TAF7L: variants seen among roughly 807,000 people sequenced by gnomAD.
TAF7L encodes TATA-box binding protein associated factor 7 like, also known as transcription initiation factor TFIID subunit 7-like.
Under a neutral mutation model 30.2 loss-of-function variants are expected in TAF7L, and 6 were observed. The observed-to-expected ratio is 0.20, with a 90% CI of 0.11 to 0.39. The LOEUF (loss-of-function observed/expected upper bound fraction) is 0.39. Ranked by LOEUF, TAF7L falls within the 10% of genes least tolerant of loss-of-function variation. TAF7L has a pLI of 1.00. For missense variants in TAF7L, 284 were observed against 277.1 expected, an observed-to-expected ratio of 1.03 and a Z score of -0.18; for synonymous variants, 93 against 94.5, an observed-to-expected ratio of 0.98 and a Z score of 0.09.
chrX:101,276,593 T>G, intron 9 of TAF7L, 65 bp from the exon 10 acceptor site: 3 of 1,097,893 alleles, frequency 2.7e-6, no homozygotes, highest in Non-Finnish European at 3.7e-6. Flanking sequence ...ATACTCCAGA[T>G]ATAATTATAC....
At chrX:101,292,238 CAA>C (rs776702288), upstream of TAF7L, among the ~76,000 whole-genome samples, 2 of 45,301 alleles carry the variant, frequency 4.4e-5, no homozygotes, top group Admixed American at 2.6e-4. Context: ...GACTCCGTCT[CAA>C]AAAAAAAAAA....
In TAF7L at chrX:101,277,948, C is replaced by T; in HGVS notation, c.577+101G>A. 4.2e-6 allele frequency: 3 copies of T among 717,220 alleles called. No individual in the cohort carries two copies. In the South Asian group the frequency reaches 7.2e-5, roughly 17 times the overall value. 59.1% of individuals were successfully genotyped at this position (717,220 alleles called of 1,213,427 possible). A position where few individuals can be genotyped will look rare whatever the true frequency, so the allele number is the denominator to read the frequency against. On this transcript the variant is annotated intron_variant, in intron 8 of 12. Coordinates refer to ENST00000356784, the MANE Select transcript of TAF7L (RefSeq NM_001168474.2). Reference sequence around the variant, plus strand: ...GAACATTTCAAAGAATCTTAAGTTCCACACATCAAGACTGGCACACAAACA... The same window carrying T: ...GAACATTTCAAAGAATCTTAAGTTCTACACATCAAGACTGGCACACAAACA...
upstream of TAF7L, among the ~76,000 whole-genome samples, chrX:101,291,742 TG>T (rs1220060383): frequency 9.1e-6 from 1 of 109,298 alleles, no homozygotes; most frequent in Non-Finnish European, 1.9e-5. Context: ...TGCGCGCGCC[TG>T]TAGTCCCAGC....
intron 5 of TAF7L, 50 bp downstream of exon 5, chrX:101,282,277 C>T: frequency 8.3e-7 from 1 of 1,202,770 alleles, no homozygotes; most frequent in South Asian, 1.8e-5. Context: ...AATTAGGATT[C>T]AGCAAATAAA....
At chrX:101,283,787 C>T (rs778529894) in intron 3 of TAF7L, among the ~76,000 whole-genome samples, 14 of 111,876 alleles carry the variant, frequency 1.3e-4, no homozygotes, top group Non-Finnish European at 2.4e-4. Context: ...TCCTAGTTTA[C>T]GTCACTTGTG....
intron 12 of TAF7L, among the ~76,000 whole-genome samples, chrX:101,269,717 C>T (rs182981973): frequency 9.0e-6 from 1 of 111,399 alleles, no homozygotes; most frequent in Admixed American, 9.6e-5. Flanking sequence ...ATGGGAAAGA[C>T]CTGCCCCCAT....
chrX:101,280,234 A>T (rs1388010683), intron 6 of TAF7L, among the ~76,000 whole-genome samples: 1 of 111,864 alleles, frequency 8.9e-6, no homozygotes, highest in African/African-American at 3.2e-5. Context: ...CTGGGAGAAT[A>T]TATTTGCAAA....
Position 101,282,355 on chromosome X carries a change from T to C in TAF7L, c.378A>G (p.Arg126=). The change falls in exon 5 of 13, where the codon AGA becomes AGG. Residue 126 remains arginine, a synonymous_variant. Coordinates refer to ENST00000356784, the MANE Select transcript of TAF7L (RefSeq NM_001168474.2). ...CATGCTTCCAGACACATTTTTCTTC[T>C]CTCCCCCTTTCTTTTTTCCTGACTA... ...PNIVRKKERG[R]EEKCVWKHGI... 8.3e-7 allele frequency: 1 copy of C among 1,211,204 alleles called. No homozygotes were observed. Among genetic ancestry groups the C allele is most frequent in the African/African-American group, 1.7e-5 (1 of 57,665 alleles).
chrX:101,291,508 C>G (rs768633240), upstream of TAF7L, among the ~76,000 whole-genome samples: 28 of 111,493 alleles, frequency 2.5e-4, 1 homozygote, highest in Non-Finnish European at 3.4e-4. Context: ...AGGGGAGCGC[C>G]GAGGGGAGGG....
In TAF7L at chrX:101,285,235, C is replaced by A. The variant is rs62600777; in HGVS notation, c.145+1340G>T. Among the ~76,000 whole-genome samples the A allele has an allele frequency of 8.5e-3, 946 of 110,929 alleles. 5 individuals are homozygous for A. The highest frequency in any genetic ancestry group is 0.014 in the Non-Finnish European group (744 of 52,951). On this transcript the variant is annotated intron_variant, in intron 3 of 12. Transcript: ENST00000356784. ...TGTAGGCCAGGCACAGTAGCTCACG[C>A]CTGTAATCCCAGCACTTTGGGAGGC...
At chrX:101,283,336 A>T in intron 4 of TAF7L, 114 bp downstream of exon 4, 1 of 819,878 alleles carries the variant, frequency 1.2e-6, no homozygotes, top group Non-Finnish European at 1.8e-6. Context: ...TCTGGAAATT[A>T]GAAATGCCAA....
chrX:101,272,337 T>C (rs1055534278), intron 12 of TAF7L, among the ~76,000 whole-genome samples: 5 of 112,063 alleles, frequency 4.5e-5, no homozygotes, highest in African/African-American at 1.6e-4. Flanking sequence ...TATATCAATA[T>C]TCATTGCAGC....
chrX:101,292,196 G>C, upstream of TAF7L, among the ~76,000 whole-genome samples: 1 of 94,845 alleles, frequency 1.1e-5, no homozygotes, highest in Middle Eastern at 5.7e-3. Flanking sequence ...CCGAGATCCC[G>C]CCACTGCACT....
rs770816410 is a variant in TAF7L, at chrX:101,276,449, C to T, written c.771G>A (p.Glu257=). The T allele has an allele frequency of 1.9e-6, 2 of 1,057,514 alleles. No individual in the cohort carries two copies. Among genetic ancestry groups the T allele is most frequent in the South Asian group, 3.7e-5 (2 of 53,395 alleles). The allele number at this position is 1,057,514 out of a possible 1,213,427, so 87.2% of individuals were successfully genotyped here. Residue 257 remains glutamate (E), a synonymous_variant, in exon 10 of 13, where the codon GAG becomes GAA. Coordinates refer to ENST00000356784, the MANE Select transcript of TAF7L (RefSeq NM_001168474.2). Reference sequence around the variant, plus strand: ...CTTCATCCTCATCCTCATCCTCATCCTCATCTTCATCATCCTCATCCTCAT... The same window carrying T: ...CTTCATCCTCATCCTCATCCTCATCTTCATCTTCATCATCCTCATCCTCAT... ...DDDEDEDDED[E]DEDEDEDEDE...
chrX:101,288,148 T>C (rs1320409068), intron 1 of TAF7L, among the ~76,000 whole-genome samples: 1 of 109,574 alleles, frequency 9.1e-6, no homozygotes, highest in Non-Finnish European at 1.9e-5. Context: ...CCAGTTCTTT[T>C]TTTTTTTTTT....
intron 1 of TAF7L, 61 bp downstream of exon 1, chrX:101,291,163 G>A (rs1160276976): frequency 1.9e-6 from 1 of 537,717 alleles, no homozygotes; most frequent in Non-Finnish European, 2.3e-6. Flanking sequence ...GCACCGCGGC[G>A]GGGTGCACAC....
At chrX:101,278,866 T>G in intron 7 of TAF7L, 128 bp downstream of exon 7, 1 of 529,903 alleles carries the variant, frequency 1.9e-6, no homozygotes, top group Non-Finnish European at 3.2e-6. Flanking sequence ...GTGTTTAGGA[T>G]GAGGGTTAGA....
Position 101,275,326 on chromosome X carries a change from A to G in TAF7L, c.1027-45T>C, listed in dbSNP as rs769365666. The G allele has an allele frequency of 1.5e-3, 1,039 of 706,219 alleles. 1 individual carries two copies. The highest frequency in any genetic ancestry group is 1.9e-3 in the Non-Finnish European group (1,010 of 535,808). 58.2% of individuals were successfully genotyped at this position (706,219 alleles called of 1,213,427 possible). A position where few individuals can be genotyped will look rare whatever the true frequency, so the allele number is the denominator to read the frequency against. On this transcript the variant is annotated intron_variant, in intron 11 of 12. Transcript: ENST00000356784. ...AATGATGAACACTGAGTCTCAAAGA[A>G]AAAAAAAAAAACCAAGGGAGGCAAG...
intron 12 of TAF7L, among the ~76,000 whole-genome samples, chrX:101,269,487 C>T (rs1602946813): frequency 8.9e-6 from 1 of 111,835 alleles, no homozygotes; most frequent in African/African-American, 3.3e-5. Context: ...AGTTTTCACA[C>T]TGCTGATAAA....
Sources: gnomAD v4.1 joint callset for allele counts (sites outside exome capture counted in the v4.1 genomes callset) on GRCh38, gnomAD v4.1.1 for gene constraint, MANE v1.5 for transcripts, NCBI Gene and HGNC (gene_info 2026-07-23, HGNC 2026-07-21) for gene names.